ANTXR1: variants seen among roughly 807,000 people sequenced by gnomAD.
ANTXR1 encodes ANTXR cell adhesion molecule 1.
In ANTXR1, 19 loss-of-function variants were observed where a neutral mutation model predicts 78.1. The observed-to-expected ratio is 0.24, with a 90% CI of 0.17 to 0.36. The LOEUF is 0.36. Among genes scored for constraint, ANTXR1 ranks in the 10% least tolerant of loss-of-function variants. The probability of loss-of-function intolerance (pLI) is 1.00; values close to 1 mark genes in which losing one functional copy is unlikely to be tolerated. For missense variants in ANTXR1, 518 were observed against 718.6 expected (o/e 0.72, Z 3.19); for synonymous variants, 273 against 260.5 (o/e 1.05, Z -0.46).
chr2:69,039,460 G>A (rs1481568606), intron 1 of ANTXR1, among the ~76,000 whole-genome samples: 3 of 151,990 alleles, frequency 2.0e-5, no homozygotes, highest in South Asian at 2.1e-4. Flanking sequence ...TTATTAATAC[G>A]ACTAAATTAG....
At chr2:69,146,505 G>T in intron 12 of ANTXR1, 2 of 581,328 alleles carry the variant, frequency 3.4e-6, no homozygotes, top group Non-Finnish European at 4.3e-6. Context: ...AAGGTTTGTG[G>T]TGAACTACAT....
chr2:69,113,065 C>A (rs1261107332), intron 10 of ANTXR1, among the ~76,000 whole-genome samples: 1 of 152,210 alleles, frequency 6.6e-6, no homozygotes, highest in Non-Finnish European at 1.5e-5. Flanking sequence ...CCCTGCTCTA[C>A]CAAGTTTGAA....
chr2:69,128,837 G>A (rs1215748919), intron 12 of ANTXR1, among the ~76,000 whole-genome samples: 1 of 152,208 alleles, frequency 6.6e-6, no homozygotes, highest in Non-Finnish European at 1.5e-5. Context: ...GCCAGTCACA[G>A]CCTGCCCAGT....
intron 8 of ANTXR1, 119 bp from the exon 9 acceptor site, chr2:69,090,740 C>G: frequency 1.0e-6 from 1 of 955,270 alleles, no homozygotes; most frequent in Non-Finnish European, 1.7e-6. Flanking sequence ...CGCACCCCCA[C>G]CGCAACCAAA....
chr2:69,107,198 A>T (rs1319861931), intron 10 of ANTXR1, among the ~76,000 whole-genome samples: 3 of 152,078 alleles, frequency 2.0e-5, no homozygotes, highest in South Asian at 4.2e-4. Flanking sequence ...CCCATATCAG[A>T]TATGTACTGT....
At chr2:69,182,963 C>T (rs920512003) in intron 16 of ANTXR1, 11 of 334,534 alleles carry the variant, frequency 3.3e-5, no homozygotes, top group East Asian at 3.3e-4. Context: ...CATGCAAATT[C>T]GTGAAGTGTT....
intron 12 of ANTXR1, among the ~76,000 whole-genome samples, chr2:69,142,906 A>G (rs1558594587): frequency 6.6e-6 from 1 of 152,196 alleles, no homozygotes. Context: ...GCAGTCCACG[A>G]ATAGATTCCA....
intron 8 of ANTXR1, among the ~76,000 whole-genome samples, chr2:69,079,672 CAAGTT>C (rs1157545761): frequency 6.6e-6 from 1 of 152,084 alleles, no homozygotes; most frequent in Non-Finnish European, 1.5e-5. Flanking sequence ...GTTACTGAAA[CAAGTT>C]AAGAAAATAA....
chr2:69,227,515 T>C (rs543674495), intron 17 of ANTXR1, among the ~76,000 whole-genome samples: 3 of 152,358 alleles, frequency 2.0e-5, no homozygotes, highest in East Asian at 1.9e-4. Context: ...GTTCCTTTCT[T>C]GAATTATATT....
chr2:69,172,602 C>T, intron 14 of ANTXR1: 2 of 1,152,614 alleles, frequency 1.7e-6, no homozygotes, highest in Non-Finnish European at 2.2e-6. Context: ...TTATTTATCC[C>T]AACTTTCATC....
intron 2 of ANTXR1, among the ~76,000 whole-genome samples, chr2:69,041,625 G>C (rs62135615): frequency 0.04 from 6,144 of 152,224 alleles, 162 homozygotes; most frequent in South Asian, 0.057. Context: ...AGGCTTATAA[G>C]AGAAAACATG....
intron 13 of ANTXR1, among the ~76,000 whole-genome samples, chr2:69,159,783 G>A (rs894405104): frequency 7.9e-5 from 12 of 151,990 alleles, no homozygotes; most frequent in Non-Finnish European, 1.2e-4. Flanking sequence ...AAAGAATTAC[G>A]TAACAGATCA....
intron 17 of ANTXR1, among the ~76,000 whole-genome samples, chr2:69,211,175 C>T (rs569310624): frequency 3.6e-4 from 55 of 152,290 alleles, no homozygotes; most frequent in Admixed American, 2.6e-3. Context: ...GGTTGCCAGT[C>T]AGCAAAAGTT....
chr2:69,169,056 A>T (rs562980177), intron 13 of ANTXR1, among the ~76,000 whole-genome samples: 6 of 152,242 alleles, frequency 3.9e-5, no homozygotes, highest in Non-Finnish European at 8.8e-5. Flanking sequence ...TTGGAGCCCT[A>T]ACAAGGTCCC....
intron 17 of ANTXR1, among the ~76,000 whole-genome samples, chr2:69,229,274 T>G (rs1052490925): frequency 6.6e-6 from 1 of 152,208 alleles, no homozygotes; most frequent in Non-Finnish European, 1.5e-5. Context: ...TTAAAAAAAT[T>G]AATATTCCAT....
At chr2:69,189,311 A>G (rs1396367036) in intron 16 of ANTXR1, among the ~76,000 whole-genome samples, 1 of 152,188 alleles carries the variant, frequency 6.6e-6, no homozygotes, top group Admixed American at 6.5e-5. Flanking sequence ...CTTTCTATGC[A>G]CTAATGCCTT....
At chr2:69,086,926 T>C (rs746462083) in intron 8 of ANTXR1, among the ~76,000 whole-genome samples, 14 of 152,242 alleles carry the variant, frequency 9.2e-5, no homozygotes, top group African/African-American at 3.1e-4. Context: ...TCAGTTTTCC[T>C]TGATCTCATG....
chr2:69,084,204 T>C (rs975039430), intron 8 of ANTXR1, among the ~76,000 whole-genome samples: 11 of 152,252 alleles, frequency 7.2e-5, no homozygotes, highest in Non-Finnish European at 1.5e-4. Context: ...TCTGCTCATC[T>C]TACTAAATAA....
intron 14 of ANTXR1, among the ~76,000 whole-genome samples, chr2:69,179,952 C>G (rs1471433509): frequency 6.6e-6 from 1 of 152,212 alleles, no homozygotes. Flanking sequence ...TCAGCAGAAT[C>G]TGAGAGCGAG....
Sources: allele counts gnomAD v4.1 joint callset (sites outside exome capture counted in the v4.1 genomes callset), GRCh38; gene constraint gnomAD v4.1.1; transcripts MANE v1.5; gene names NCBI Gene and HGNC (gene_info 2026-07-23, HGNC 2026-07-21).